Variants in RBFOX1 observed in about 807,000 individuals in gnomAD.
RBFOX1 encodes the protein RNA binding protein fox-1 homolog 1.
RBFOX1 carries 8 observed loss-of-function variants against 57.7 expected under a neutral mutation model. The observed-to-expected ratio is 0.14, with a 90% CI of 0.08 to 0.25. The LOEUF is 0.25. Ranked by LOEUF, RBFOX1 falls within the 10% of genes least tolerant of loss-of-function variation. The pLI, the probability that RBFOX1 is intolerant of heterozygous loss-of-function variation, is 1.00. For synonymous variants in RBFOX1, 326 were observed against 222.4 expected (o/e 1.47, Z -4.15); for missense variants, 611 against 548.5 (o/e 1.11, Z -1.14).
intron 3 of RBFOX1, among the ~76,000 whole-genome samples, chr16:7,013,935 G>T (rs1310006570): frequency 6.6e-6 from 1 of 152,146 alleles, no homozygotes; most frequent in African/African-American, 2.4e-5. Context: ...TGGGATTACA[G>T]ATTTGAGCCA....
chr16:7,128,718 A>C (rs1399545769), intron 4 of RBFOX1, among the ~76,000 whole-genome samples: 2 of 151,742 alleles, frequency 1.3e-5, no homozygotes, highest in African/African-American at 4.8e-5. Context: ...ACTTGATGGG[A>C]GGATGTTCAT....
At chr16:5,540,942 C>G (rs1182223324) in intron 2 of RBFOX1, among the ~76,000 whole-genome samples, 1 of 151,648 alleles carries the variant, frequency 6.6e-6, no homozygotes, top group Admixed American at 6.6e-5. Flanking sequence ...CTCCACCTCC[C>G]TGGTTCATGT....
chr16:7,131,195 A>C (rs1394265270), intron 4 of RBFOX1, among the ~76,000 whole-genome samples: 1 of 151,958 alleles, frequency 6.6e-6, no homozygotes, highest in Non-Finnish European at 1.5e-5. Flanking sequence ...AAATACAAAA[A>C]GTTAGCCAGG....
At position 5,798,555 on chromosome 16, in the gene RBFOX1, A is replaced by G. The variant is rs2054953772; in HGVS notation, c.319-68748A>G. Among the ~76,000 whole-genome samples, 7 of 152,176 alleles carry G rather than the reference A, an allele frequency of 4.6e-5. No homozygotes were observed. In the South Asian group the frequency reaches 1.4e-3, roughly 31 times the overall value. On this transcript the variant is annotated intron_variant, in intron 3 of 19. Coordinates refer to the RBFOX1 transcript ENST00000641259. ...TAAACAGTTGGGTATTACAGGGCAG[A>G]GGGCATCTGCGCTAAATGATTGTTA...
chr16:6,670,356 C>G (rs569762215), intron 3 of RBFOX1, among the ~76,000 whole-genome samples: 1 of 152,060 alleles, frequency 6.6e-6, no homozygotes, highest in East Asian at 1.9e-4. Flanking sequence ...AGGGGTGAGC[C>G]ACTGCTCCCA....
intron 2 of RBFOX1, among the ~76,000 whole-genome samples, chr16:6,451,934 C>T (rs1379466039): frequency 6.6e-6 from 1 of 150,654 alleles, no homozygotes; most frequent in Non-Finnish European, 1.5e-5. Context: ...CCTTCCATGA[C>T]CCCTCCCTCC....
At chr16:5,244,744 C>T (rs531873084) in intron 1 of RBFOX1, among the ~76,000 whole-genome samples, 3 of 152,326 alleles carry the variant, frequency 2.0e-5, no homozygotes, top group South Asian at 2.1e-4. Flanking sequence ...GTTCTCGCAT[C>T]CCCCTTTGGC....
At chr16:5,393,044 T>G (rs1480014565) in intron 1 of RBFOX1, among the ~76,000 whole-genome samples, 1 of 152,036 alleles carries the variant, frequency 6.6e-6, no homozygotes, top group African/African-American at 2.4e-5. Context: ...CTAAAAGACC[T>G]CCGAGCATGG....
At chr16:5,466,178 A>G (rs907769657) in intron 1 of RBFOX1, among the ~76,000 whole-genome samples, 1 of 152,248 alleles carries the variant, frequency 6.6e-6, no homozygotes, top group African/African-American at 2.4e-5. Context: ...AGAGAGAAAG[A>G]AAGAGAAGGT....
intron 1 of RBFOX1, among the ~76,000 whole-genome samples, chr16:5,464,551 C>G (rs1249366526): frequency 1.3e-5 from 2 of 152,208 alleles, no homozygotes; most frequent in Non-Finnish European, 2.9e-5. Flanking sequence ...CTTGCATCAT[C>G]TCCTTCTCCT....
intron 3 of RBFOX1, among the ~76,000 whole-genome samples, chr16:5,621,907 C>G (rs1301232895): frequency 6.6e-6 from 1 of 152,172 alleles, no homozygotes; most frequent in Non-Finnish European, 1.5e-5. Context: ...AGGAAAACAT[C>G]TTTCAGTGCT....
intron 4 of RBFOX1, among the ~76,000 whole-genome samples, chr16:7,494,563 G>A (rs2067972176): frequency 6.6e-6 from 1 of 152,182 alleles, no homozygotes. Flanking sequence ...GTTCAGCATA[G>A]TGATAAGAAA....
intron 3 of RBFOX1, among the ~76,000 whole-genome samples, chr16:6,971,288 C>G (rs937701376): frequency 7.2e-5 from 11 of 152,058 alleles, no homozygotes; most frequent in African/African-American, 2.7e-4. Context: ...CATATGTAAG[C>G]TGAGATAGGA....
At chr16:6,241,055 A>C (rs1348890369) in intron 1 of RBFOX1, among the ~76,000 whole-genome samples, 1 of 152,202 alleles carries the variant, frequency 6.6e-6, no homozygotes, top group Admixed American at 6.5e-5. Context: ...CATATGCACA[A>C]AACATCTTTC....
intron 3 of RBFOX1, among the ~76,000 whole-genome samples, chr16:5,821,904 C>T (rs569232596): frequency 6.7e-4 from 102 of 152,280 alleles, no homozygotes; most frequent in African/African-American, 2.3e-3. Context: ...GCCTTCATGG[C>T]CTGATCACCT....
intron 3 of RBFOX1, among the ~76,000 whole-genome samples, chr16:6,836,130 T>G (rs540731669): frequency 2.0e-5 from 3 of 152,334 alleles, no homozygotes; most frequent in African/African-American, 7.2e-5. Flanking sequence ...TTCTACAATT[T>G]ATGGTATTTC....
intron 2 of RBFOX1, among the ~76,000 whole-genome samples, chr16:5,591,746 A>C (rs575199439): frequency 6.6e-6 from 1 of 152,148 alleles, no homozygotes; most frequent in Non-Finnish European, 1.5e-5. Flanking sequence ...GTCTGGATTC[A>C]CTATAACTTA....
At chr16:6,374,499 A>G (rs2090913756) in intron 2 of RBFOX1, among the ~76,000 whole-genome samples, 1 of 152,120 alleles carries the variant, frequency 6.6e-6, no homozygotes, top group African/African-American at 2.4e-5. Flanking sequence ...ATGTTTTTTT[A>G]ATTTTGGATC....
intron 4 of RBFOX1, among the ~76,000 whole-genome samples, chr16:7,224,564 A>G (rs557959737): frequency 2.0e-5 from 3 of 152,252 alleles, no homozygotes; most frequent in African/African-American, 7.2e-5. Context: ...TTTGAGCATC[A>G]GGATTTCTAA....
Sources: gnomAD v4.1 joint callset for allele counts (sites outside exome capture counted in the v4.1 genomes callset) on GRCh38, gnomAD v4.1.1 for gene constraint, MANE v1.5 for transcripts, NCBI Gene and HGNC (gene_info 2026-07-23, HGNC 2026-07-21) for gene names.